BMERB1: variants seen among roughly 807,000 people sequenced by gnomAD.
The protein encoded by BMERB1 is bMERB domain-containing protein 1.
In BMERB1, 12 loss-of-function variants were observed where a neutral mutation model predicts 23.6. That is an observed-to-expected ratio of 0.51 (90% CI 0.33 to 0.82). BMERB1 has a LOEUF of 0.82. Among genes scored for constraint, BMERB1 ranks in the 40% least tolerant of loss-of-function variants. The probability of loss-of-function intolerance (pLI) is 0.03; values close to 1 mark genes in which losing one functional copy is unlikely to be tolerated. For synonymous variants in BMERB1, 122 were observed against 96.6 expected (o/e 1.26, Z -1.54); for missense variants, 247 against 255.4 (o/e 0.97, Z 0.22).
chr16:15,490,156 C>T (rs1205923684), intron 1 of BMERB1, among the ~76,000 whole-genome samples: 1 of 152,132 alleles, frequency 6.6e-6, no homozygotes, highest in Non-Finnish European at 1.5e-5. Context: ...AAGCCACCTG[C>T]ACCCAGCCCT....
intron 2 of BMERB1, among the ~76,000 whole-genome samples, chr16:15,539,046 C>T (rs2052054274): frequency 6.6e-6 from 1 of 152,158 alleles, no homozygotes; most frequent in African/African-American, 2.4e-5. Context: ...ATTACATTTA[C>T]TGTGCACTTT....
intron 1 of BMERB1, among the ~76,000 whole-genome samples, chr16:15,465,730 CT>C (rs1342966826): frequency 6.6e-6 from 1 of 152,154 alleles, no homozygotes; most frequent in African/African-American, 2.4e-5. Context: ...CTACTCAGTC[CT>C]TTTTCTTTCC....
chr16:15,468,135 C>CTTTTTTTTT (rs749534588), intron 1 of BMERB1, among the ~76,000 whole-genome samples: 1 of 31,020 alleles, frequency 3.2e-5, no homozygotes, highest in African/African-American at 8.6e-5. Context: ...CTTTCTTCTT[C>CTTTTTTTTT]TTTTTTTTTT....
chr16:15,458,717 CAAA>C (rs1162694311), intron 1 of BMERB1, among the ~76,000 whole-genome samples: 9 of 80,300 alleles, frequency 1.1e-4, no homozygotes, highest in Admixed American at 3.8e-4. Flanking sequence ...ACCGTGTGTC[CAAA>C]AAAAAAAAAA....
At chr16:15,573,718 T>C (rs772915639) in intron 3 of BMERB1, among the ~76,000 whole-genome samples, 5 of 152,206 alleles carry the variant, frequency 3.3e-5, no homozygotes, top group Non-Finnish European at 5.9e-5. Context: ...CCATAATTCC[T>C]AATCTTGTGC....
At chr16:15,437,725 G>A (rs751573496) in intron 1 of BMERB1, among the ~76,000 whole-genome samples, 19 of 152,110 alleles carry the variant, frequency 1.2e-4, no homozygotes, top group African/African-American at 4.8e-5. Flanking sequence ...TTGGGAGGCC[G>A]AGGCGGGCGG....
At chr16:15,521,379 C>T (rs2051851827) in intron 2 of BMERB1, among the ~76,000 whole-genome samples, 1 of 152,234 alleles carries the variant, frequency 6.6e-6, no homozygotes, top group South Asian at 2.1e-4. Flanking sequence ...CGTAATAACT[C>T]TTAAGGCCCA....
chr16:15,441,851 G>A (rs2050941917), intron 1 of BMERB1, among the ~76,000 whole-genome samples: 1 of 152,114 alleles, frequency 6.6e-6, no homozygotes. Flanking sequence ...GTCATGTTGG[G>A]TACTAGATGG....
chr16:15,499,654 TC>T (rs1226151876), intron 1 of BMERB1, among the ~76,000 whole-genome samples: 2 of 143,358 alleles, frequency 1.4e-5, no homozygotes, highest in Non-Finnish European at 3.1e-5. Flanking sequence ...TCTCTCTGCC[TC>T]CCTTTCCTTC....
At chr16:15,584,452 G>A (rs1374518277) in intron 5 of BMERB1, among the ~76,000 whole-genome samples, 1 of 151,808 alleles carries the variant, frequency 6.6e-6, no homozygotes, top group African/African-American at 2.4e-5. Flanking sequence ...CAGCTACTCG[G>A]GAAGCTGAGG....
At chr16:15,474,617 C>T (rs138736289) in intron 1 of BMERB1, among the ~76,000 whole-genome samples, 5 of 152,214 alleles carry the variant, frequency 3.3e-5, no homozygotes, top group Admixed American at 6.5e-5. Context: ...TGGCCTCAAA[C>T]GTTCCTCCTG....
intron 2 of BMERB1, among the ~76,000 whole-genome samples, chr16:15,544,533 T>G (rs1046168360): frequency 2.0e-5 from 3 of 152,182 alleles, no homozygotes; most frequent in Admixed American, 2.0e-4. Flanking sequence ...GTATATAAAT[T>G]ACTTCCTACA....
At position 15,581,216 on chromosome 16, in the gene BMERB1, G is replaced by C. The variant is rs753255088; in HGVS notation, c.305-1G>C. ...TCTCCTTGTTGATGTCTTCTTTCCA[G>C]AAAAAGAAAAAACCAAACTGCAGAA... is the stretch of plus-strand genomic sequence containing the variant. On this transcript the variant is annotated splice_acceptor_variant, in intron 3 of 5. Transcript: ENST00000300006. LOFTEE classifies it high-confidence loss of function. 1 of 1,607,606 alleles carries C rather than the reference G, an allele frequency of 6.2e-7. No homozygotes were observed. Among genetic ancestry groups the C allele is most frequent in the East Asian group, 2.2e-5 (1 of 44,808 alleles).
At chr16:15,531,041 A>G (rs191382066) in intron 2 of BMERB1, among the ~76,000 whole-genome samples, 40 of 151,170 alleles carry the variant, frequency 2.6e-4, no homozygotes, top group African/African-American at 8.7e-4. Context: ...AGTAACTGGG[A>G]TTACAGGCAC....
At chr16:15,490,891 G>A (rs1478219941) in intron 1 of BMERB1, among the ~76,000 whole-genome samples, 1 of 152,160 alleles carries the variant, frequency 6.6e-6, no homozygotes, top group Non-Finnish European at 1.5e-5. Flanking sequence ...CACCCAGGCT[G>A]TGGTGCAGTG....
chr16:15,438,462 CTAT>C (rs2050907539), intron 1 of BMERB1, among the ~76,000 whole-genome samples: 3 of 116,110 alleles, frequency 2.6e-5, no homozygotes, highest in African/African-American at 3.1e-5. Flanking sequence ...ATTTTCTAGA[CTAT>C]TTTTTTTTTT....
chr16:15,455,729 T>C (rs1002814289), intron 1 of BMERB1, among the ~76,000 whole-genome samples: 1 of 152,184 alleles, frequency 6.6e-6, no homozygotes, highest in Non-Finnish European at 1.5e-5. Flanking sequence ...CCCAAAGTGC[T>C]GGGATTACAG....
At chr16:15,507,540 C>T (rs2051606305) in intron 1 of BMERB1, among the ~76,000 whole-genome samples, 1 of 152,154 alleles carries the variant, frequency 6.6e-6, no homozygotes, top group South Asian at 2.1e-4. Context: ...ACACAGCAAG[C>T]AAGCTCTTGC....
At chr16:15,466,694 A>G (rs1286948449) in intron 1 of BMERB1, among the ~76,000 whole-genome samples, 2 of 138,856 alleles carry the variant, frequency 1.4e-5, no homozygotes, top group African/African-American at 5.1e-5. Context: ...CATCCTATTC[A>G]GATTTCACCA....
Sources: gnomAD v4.1 joint callset for allele counts (sites outside exome capture counted in the v4.1 genomes callset) on GRCh38, gnomAD v4.1.1 for gene constraint, MANE v1.5 for transcripts, NCBI Gene and HGNC (gene_info 2026-07-23, HGNC 2026-07-21) for gene names.